ITPR3: variants seen among roughly 807,000 people sequenced by gnomAD.
The protein encoded by ITPR3 is inositol 1,4,5-trisphosphate-gated calcium channel ITPR3.
Under a neutral mutation model 293.2 loss-of-function variants are expected in ITPR3, and 173 were observed. That is an observed-to-expected ratio of 0.59 (90% CI 0.52 to 0.67). The LOEUF is 0.67. ITPR3 is among the 30% of genes least tolerant of loss of function. ITPR3 has a pLI of 0.00. For synonymous variants in ITPR3, 1,295 were observed against 1,444.4 expected (o/e 0.90, Z 2.35); for missense variants, 2,796 against 3,592.1 (o/e 0.78, Z 5.66).
At chr6:33,625,355 G>A (rs1763527147) in intron 1 of ITPR3, among the ~76,000 whole-genome samples, 1 of 152,040 alleles carries the variant, frequency 6.6e-6, no homozygotes, top group Non-Finnish European at 1.5e-5. Flanking sequence ...TCAGCCTCCC[G>A]AGTAGCTGGG....
chr6:33,680,003 A>G lies in ITPR3; in HGVS notation c.4094A>G (p.His1365Arg). ...GVEDHSPLMY[H>R]ISLVDLLAAC... ...GAGGACCACAGCCCCCTCATGTACC[A>G]CATTTCCCTGGTGGACCTGCTGGCC... The change falls in exon 31 of 58, where the codon CAC becomes CGC. Residue 1365 changes from histidine to arginine, a missense_variant. Around this residue, in one of 8 missense-constraint regions of ITPR3, gnomAD observed 344 missense variants for 460.3 expected, o/e 0.75. Transcript: ENST00000605930. The G allele has an allele frequency of 6.2e-7, 1 of 1,613,914 alleles. No homozygotes were observed. The highest frequency in any genetic ancestry group is 8.5e-7 in the Non-Finnish European group (1 of 1,180,040).
chr6:33,694,491 T>C (rs1765483058), intron 56 of ITPR3: 2 of 233,916 alleles, frequency 8.6e-6, no homozygotes, highest in Non-Finnish European at 1.7e-5. Flanking sequence ...AGCCTCCTGA[T>C]CCCTCAATTT....
Position 33,654,274 on chromosome 6 carries a change from A to T in ITPR3, c.161-1492A>T, listed in dbSNP as rs562748492. ...CAGAGTGAGACCGTGTCTCAAAAAA[A>T]ATAAGAAAAATAAAAAAAATAAAAA... On this transcript the variant is annotated intron_variant, in intron 2 of 57. Coordinates refer to ENST00000605930, the MANE Select transcript of ITPR3 (RefSeq NM_002224.4). The surrounding 1 kb of genome is among the most constrained non-coding windows in gnomAD (Gnocchi z 4.1). Among the ~76,000 whole-genome samples the T allele has an allele frequency of 1.3e-4, 20 of 152,224 alleles. No homozygotes were observed. Among genetic ancestry groups the T allele is most frequent in the South Asian group, 4.2e-4 (2 of 4,808 alleles).
rs137904726 is a variant in ITPR3, at chr6:33,644,694, C to G, written c.160+4140C>G. Among the ~76,000 whole-genome samples the G allele has an allele frequency of 3.5e-3, 493 of 140,580 alleles. 2 individuals are homozygous for G. The highest frequency in any genetic ancestry group is 0.012 in the African/African-American group (461 of 38,604). 92.2% of individuals were successfully genotyped at this position (140,580 alleles called of 152,430 possible). ...TTTTTTTTTTTTTGAGACAGAGTCT[C>G]GCTCTGTTGCCCAGGCTGGAGCACA... On this transcript the variant is annotated intron_variant, in intron 2 of 57. Coordinates refer to ENST00000605930, the MANE Select transcript of ITPR3 (RefSeq NM_002224.4).
At position 33,683,061 on chromosome 6, in the gene ITPR3, C is replaced by G; in HGVS notation, c.4598-146C>G. 1.9e-6 allele frequency: 1 copy of G among 514,926 alleles called. No individual in the cohort carries two copies. Among genetic ancestry groups the G allele is most frequent in the Non-Finnish European group, 3.1e-6 (1 of 325,186 alleles). 31.9% of individuals were successfully genotyped at this position (514,926 alleles called of 1,614,324 possible). ...GAAGAAAGCCTCTCAGTCCCTCAAG[C>G]ATAGGCCGGGGTGGGGGGGGTCTCT... On this transcript the variant is annotated intron_variant, in intron 34 of 57. Coordinates refer to ENST00000605930, the MANE Select transcript of ITPR3 (RefSeq NM_002224.4). The surrounding 1 kb of genome is among the most constrained non-coding windows in gnomAD (Gnocchi z 4.5).
rs1354016899 is a variant in ITPR3 at position 33,682,857 on chromosome 6, G to A, written c.4597+213G>A. On this transcript the variant is annotated intron_variant, in intron 34 of 57. Transcript: ENST00000605930. The surrounding 1 kb of genome is among the most constrained non-coding windows in gnomAD (Gnocchi z 5.4). ...GTCAGTTCCCCAGAGAAGGATGCTC[G>A]CCGACATTCTCCAGCTAGTTTTTTA... Among the ~76,000 whole-genome samples the A allele has an allele frequency of 6.6e-6, 1 of 152,156 alleles. No homozygotes were observed. Among genetic ancestry groups the A allele is most frequent in the African/African-American group, 2.4e-5 (1 of 41,426 alleles).
intron 2 of ITPR3, among the ~76,000 whole-genome samples, chr6:33,643,131 A>G (rs1763986599): frequency 6.6e-6 from 1 of 152,114 alleles, no homozygotes; most frequent in Admixed American, 6.5e-5. Flanking sequence ...GGAGGGTGGG[A>G]CCCAGCAAGG....
chr6:33,693,024 C>T, intron 55 of ITPR3, 131 bp downstream of exon 55: 1 of 867,790 alleles, frequency 1.2e-6, no homozygotes, highest in Admixed American at 2.5e-5. Flanking sequence ...GATGCATTTG[C>T]TCATCCCAGA....
At position 33,624,277 on chromosome 6, in the gene ITPR3, T is replaced by A. The variant is rs1763505147; in HGVS notation, c.89+2586T>A. Among the ~76,000 whole-genome samples the A allele has an allele frequency of 6.6e-6, 1 of 152,216 alleles. No individual in the cohort carries two copies. The highest frequency in any genetic ancestry group is 2.4e-5 in the African/African-American group (1 of 41,458). On this transcript the variant is annotated intron_variant, in intron 1 of 57. Coordinates refer to ENST00000605930, the MANE Select transcript of ITPR3 (RefSeq NM_002224.4). The surrounding 1 kb of genome is among the most constrained non-coding windows in gnomAD (Gnocchi z 4.7). Reference sequence around the variant, plus strand: ...GGCACCTTGCCAGGATTAACACCATTCATATATTTAGCAGGTCTACAGGCA... The same window carrying A: ...GGCACCTTGCCAGGATTAACACCATACATATATTTAGCAGGTCTACAGGCA...
At position 33,670,921 on chromosome 6, in the gene ITPR3, T is replaced by A; in HGVS notation, c.2586+106T>A. 7.0e-7 allele frequency: 1 copy of A among 1,425,334 alleles called. No homozygotes were observed. The highest frequency in any genetic ancestry group is 9.6e-7 in the Non-Finnish European group (1 of 1,045,818). 88.3% of individuals were successfully genotyped at this position (1,425,334 alleles called of 1,614,324 possible). On this transcript the variant is annotated intron_variant, in intron 20 of 57. Coordinates refer to ENST00000605930, the MANE Select transcript of ITPR3 (RefSeq NM_002224.4). This position sits in a 1 kb window ranked among gnomAD's most constrained non-coding sequence, Gnocchi z 6.7. ...TCGGCTGTGGGATCCATGACCCCAC[T>A]TCCTTCTGTGTCCCCAGCCAGTGCA...
chr6:33,692,813 TAATCATCGA>T lies in ITPR3; in HGVS notation c.7545_7553del (p.Ile2516_Asp2518del). The stretch of plus-strand genomic sequence containing the variant: ...ATTGTGCTGAACCTCATCTTTGGGG[TAATCATCGA>T]CACCTTCGCTGACCTGCGTAGTGAG... On this transcript the variant is annotated inframe_deletion, in exon 55 of 58. Transcript: ENST00000605930. This position sits in a 1 kb window ranked among gnomAD's most constrained non-coding sequence, Gnocchi z 4.2. 1 of 1,614,050 alleles carries T rather than the reference TAATCATCGA, an allele frequency of 6.2e-7. No individual in the cohort carries two copies. The highest frequency in any genetic ancestry group is 8.5e-7 in the Non-Finnish European group (1 of 1,180,000).
At chr6:33,631,659 G>A (rs1216791174) in intron 1 of ITPR3, among the ~76,000 whole-genome samples, 1 of 152,184 alleles carries the variant, frequency 6.6e-6, no homozygotes, top group Non-Finnish European at 1.5e-5. Flanking sequence ...GGATGACTGC[G>A]CGCAGGCCTG....
intron 2 of ITPR3, among the ~76,000 whole-genome samples, chr6:33,647,902 G>A (rs891767552): frequency 6.6e-6 from 1 of 151,966 alleles, no homozygotes; most frequent in African/African-American, 2.4e-5. Context: ...TGAGGCAGAG[G>A]GCGGGAGCTC....
rs1765259171 is a variant in ITPR3, at chr6:33,687,313, A to G, written c.6163A>G (p.Ile2055Val). The G allele has an allele frequency of 1.2e-6, 2 of 1,610,170 alleles. No homozygotes were observed. Among genetic ancestry groups the G allele is most frequent in the Non-Finnish European group, 1.7e-6 (2 of 1,176,902 alleles). The change falls in exon 45 of 58, where the codon ATC becomes GTC. Residue 2055 changes from isoleucine (I) to valine (V), a missense_variant. Coordinates refer to ENST00000605930, the MANE Select transcript of ITPR3 (RefSeq NM_002224.4). The surrounding 1 kb of genome is among the most constrained non-coding windows in gnomAD (Gnocchi z 5.3). ...ACGTGAAGTGGGCCATAACATCTAT[A>G]TCCTGGCGCTGCAGGTACCAGTTCC... ...SPREVGHNIY[I>V]LALQLSRHNK...
At position 33,633,201 on chromosome 6, in the gene ITPR3, G is replaced by A. The variant is rs1476726590; in HGVS notation, c.90-7283G>A. Reference sequence around the variant, plus strand: ...CACACGGGAGCCTCAGCTTGGCCTTGAGATGGCAGGAGTGGGATGGGGCGT... The same window carrying A: ...CACACGGGAGCCTCAGCTTGGCCTTAAGATGGCAGGAGTGGGATGGGGCGT... On this transcript the variant is annotated intron_variant, in intron 1 of 57. Coordinates refer to ENST00000605930, the MANE Select transcript of ITPR3 (RefSeq NM_002224.4). The surrounding 1 kb of genome is among the most constrained non-coding windows in gnomAD (Gnocchi z 5.2). Among the ~76,000 whole-genome samples, 1 of 152,228 alleles carries A rather than the reference G, an allele frequency of 6.6e-6. No individual in the cohort carries two copies. The highest frequency in any genetic ancestry group is 2.4e-5 in the African/African-American group (1 of 41,476).
chr6:33,652,623 G>C (rs931052412), intron 2 of ITPR3, among the ~76,000 whole-genome samples: 1 of 152,004 alleles, frequency 6.6e-6, no homozygotes, highest in Non-Finnish European at 1.5e-5. Flanking sequence ...GTGCCACCAT[G>C]CCCGACTAAT....
Position 33,686,064 on chromosome 6 carries a change from C to T in ITPR3, c.5679C>T (p.Arg1893=). The T allele has an allele frequency of 6.2e-7, 1 of 1,614,110 alleles. No individual in the cohort carries two copies. The highest frequency in any genetic ancestry group is 1.1e-5 in the South Asian group (1 of 91,086). The stretch of plus-strand genomic sequence containing the variant: ...TCTGTGCCCCGCAGAACTTCCTGCG[C>T]TGTCAGAACAACAAAACCAACTACA... ...NHNRDLQNFL[R]CQNNKTNYNL... The change falls in exon 42 of 58, where the codon CGC becomes CGT. Residue 1893 remains arginine, a synonymous_variant. Coordinates refer to ENST00000605930, the MANE Select transcript of ITPR3 (RefSeq NM_002224.4).
chr6:33,667,339 CA>C lies in ITPR3; in HGVS notation c.1713+50del, dbSNP rs76635845. ...ACTCGCTGGCTGCACGTTCCTTCCT[CA>C]GCAAGCGATTTCCTCAGGCACATGT... On this transcript the variant is annotated intron_variant, in intron 15 of 57. Coordinates refer to ENST00000605930, the MANE Select transcript of ITPR3 (RefSeq NM_002224.4). The surrounding 1 kb of genome is among the most constrained non-coding windows in gnomAD (Gnocchi z 4.4). The C allele has an allele frequency of 0.016, 25,961 of 1,577,532 alleles. 636 individuals are homozygous for C. The highest frequency in any genetic ancestry group is 0.13 in the East Asian group (5,614 of 43,206).
Position 33,666,386 on chromosome 6 carries a change from G to A in ITPR3, c.1551+410G>A, listed in dbSNP as rs78617790. On this transcript the variant is annotated intron_variant, in intron 14 of 57. Transcript: ENST00000605930. This position sits in a 1 kb window ranked among gnomAD's most constrained non-coding sequence, Gnocchi z 5.1. Reference sequence around the variant, plus strand: ...AGGGAACAAGGTGCCTCACTGTTTTGCTGCCTTGGCTTTATGTAGCTCGGT... The same window carrying A: ...AGGGAACAAGGTGCCTCACTGTTTTACTGCCTTGGCTTTATGTAGCTCGGT... Among the ~76,000 whole-genome samples, 3,661 of 152,266 alleles carry A rather than the reference G, an allele frequency of 0.024. 80 individuals carry two copies. Among genetic ancestry groups the A allele is most frequent in the East Asian group, 0.14 (725 of 5,184 alleles).
Sources: gnomAD v4.1 joint callset for allele counts (sites outside exome capture counted in the v4.1 genomes callset) on GRCh38, gnomAD v4.1.1 for gene constraint, gnomAD v4.1.1 regional missense constraint, Gnocchi (gnomAD v3.1) non-coding constraint, MANE v1.5 for transcripts, NCBI Gene and HGNC (gene_info 2026-07-23, HGNC 2026-07-21) for gene names.